The following PDE1C variants were observed in gnomAD, a reference collection of about 807,000 sequenced individuals.
The protein encoded by PDE1C is phosphodiesterase 1C.
In PDE1C, 62 loss-of-function variants were observed where a neutral mutation model predicts 93.1. The observed-to-expected ratio is 0.67, with a 90% CI of 0.54 to 0.82. The LOEUF (loss-of-function observed/expected upper bound fraction) is 0.82. Among genes scored for constraint, PDE1C ranks in the 40% least tolerant of loss-of-function variants. PDE1C has a pLI of 0.00. For missense variants in PDE1C, 742 were observed against 884.6 expected (o/e 0.84, Z 2.04); for synonymous variants, 325 against 310.1 (o/e 1.05, Z -0.50).
chr7:32,086,928 C>G (rs1241626813), intron 3 of PDE1C, among the ~76,000 whole-genome samples: 1 of 151,100 alleles, frequency 6.6e-6, no homozygotes, highest in Non-Finnish European at 1.5e-5. Context: ...CATTACCATT[C>G]AGGACATAGG....
At chr7:32,191,553 G>A (rs1323503529) in intron 2 of PDE1C, among the ~76,000 whole-genome samples, 1 of 150,322 alleles carries the variant, frequency 6.7e-6, no homozygotes, top group Non-Finnish European at 1.5e-5. Flanking sequence ...GTTGTTGCAT[G>A]GATCAGTAGC....
intron 3 of PDE1C, among the ~76,000 whole-genome samples, chr7:32,168,698 C>G (rs1802457568): frequency 6.6e-6 from 1 of 152,124 alleles, no homozygotes; most frequent in African/African-American, 2.4e-5. Flanking sequence ...CAGCATTTAC[C>G]TGCAATTCTT....
intron 1 of PDE1C, among the ~76,000 whole-genome samples, chr7:32,223,070 C>A (rs1396183088): frequency 2.0e-5 from 3 of 152,232 alleles, no homozygotes; most frequent in Non-Finnish European, 4.4e-5. Context: ...CTTAGAGGTT[C>A]CCTCAGACTG....
intron 1 of PDE1C, among the ~76,000 whole-genome samples, chr7:32,418,556 G>T (rs143830614): frequency 1.3e-5 from 2 of 151,894 alleles, no homozygotes; most frequent in Non-Finnish European, 2.9e-5. Flanking sequence ...GCATCCTTGC[G>T]TGACAATAAT....
chr7:32,277,193 G>C (rs1223084825), intron 1 of PDE1C, among the ~76,000 whole-genome samples: 2 of 152,166 alleles, frequency 1.3e-5, no homozygotes, highest in Non-Finnish European at 2.9e-5. Context: ...TGATGGGCTT[G>C]AGCCATGATC....
At chr7:32,073,794 TCTACTAGCATTCTG>T (rs1439647434), upstream of PDE1C, among the ~76,000 whole-genome samples, 6 of 152,192 alleles carry the variant, frequency 3.9e-5, no homozygotes, top group Non-Finnish European at 1.5e-5. Context: ...AGCCACAATT[TCTACTAGCATTCTG>T]CTCAGAGGCA....
At chr7:32,189,414 C>A (rs1246793077) in intron 2 of PDE1C, among the ~76,000 whole-genome samples, 4 of 152,196 alleles carry the variant, frequency 2.6e-5, no homozygotes, top group African/African-American at 9.6e-5. Context: ...AATTCAGACA[C>A]TGCCTCCCCC....
intron 1 of PDE1C, among the ~76,000 whole-genome samples, chr7:32,279,408 G>C (rs922424600): frequency 6.6e-6 from 1 of 152,106 alleles, no homozygotes; most frequent in African/African-American, 2.4e-5. Flanking sequence ...TTGCACAGTA[G>C]GGTGATTGTG....
intron 1 of PDE1C, among the ~76,000 whole-genome samples, chr7:32,417,093 T>C (rs977746301): frequency 6.6e-6 from 1 of 152,090 alleles, no homozygotes; most frequent in African/African-American, 2.4e-5. Context: ...ATCTAGCCTG[T>C]GTGCTCAAAA....
chr7:31,725,515 T>C, the PDE1C span, among the ~76,000 whole-genome samples: 1 of 152,208 alleles, frequency 6.6e-6, no homozygotes, highest in African/African-American at 2.4e-5. Flanking sequence ...ATGGTGATGT[T>C]TGTCTACCAA....
intron 2 of PDE1C, among the ~76,000 whole-genome samples, chr7:32,200,207 GTTTT>G (rs1053673628): frequency 1.3e-5 from 2 of 152,050 alleles, no homozygotes; most frequent in Non-Finnish European, 2.9e-5. Flanking sequence ...CCTCTTATAG[GTTTT>G]TTGTTTTATT....
At chr7:32,271,314 C>G (rs1810946577) in intron 1 of PDE1C, among the ~76,000 whole-genome samples, 1 of 152,170 alleles carries the variant, frequency 6.6e-6, no homozygotes, top group African/African-American at 2.4e-5. Context: ...TTTTTAACTT[C>G]AGCACATATT....
chr7:32,205,518 G>A (rs1805372558), intron 2 of PDE1C, among the ~76,000 whole-genome samples: 1 of 152,118 alleles, frequency 6.6e-6, no homozygotes, highest in Non-Finnish European at 1.5e-5. Flanking sequence ...TCAGCACTCT[G>A]TAAAACGGAC....
intron 3 of PDE1C, among the ~76,000 whole-genome samples, chr7:32,080,769 C>G (rs1158281674): frequency 1.3e-5 from 2 of 152,148 alleles, no homozygotes; most frequent in Admixed American, 6.5e-5. Flanking sequence ...GATTTTAATA[C>G]TCAGGAGAAT....
chr7:31,791,058 C>A (rs1784545619), intron 16 of PDE1C, among the ~76,000 whole-genome samples: 1 of 152,008 alleles, frequency 6.6e-6, no homozygotes, highest in Non-Finnish European at 1.5e-5. Flanking sequence ...AAGGGTAACA[C>A]TATTATCTAC....
chr7:31,689,198 T>G, the PDE1C span, among the ~76,000 whole-genome samples: 2 of 152,176 alleles, frequency 1.3e-5, no homozygotes, highest in Non-Finnish European at 2.9e-5. Context: ...GTGTGAGTGT[T>G]AGAATTCAGA....
intron 16 of PDE1C, chr7:31,789,824 CA>C: frequency 1.0e-6 from 1 of 1,000,312 alleles, no homozygotes; most frequent in Non-Finnish European, 1.2e-6. Context: ...ACGGCATTGA[CA>C]GTCATAAAAT....
intron 5 of PDE1C, among the ~76,000 whole-genome samples, chr7:31,873,756 A>T (rs890330022): frequency 6.6e-6 from 1 of 152,214 alleles, no homozygotes; most frequent in African/African-American, 2.4e-5. Flanking sequence ...AAATTACCTA[A>T]TTTCCCTAAC....
intron 2 of PDE1C, among the ~76,000 whole-genome samples, chr7:31,962,938 T>C (rs1309272220): frequency 6.6e-6 from 1 of 152,200 alleles, no homozygotes; most frequent in African/African-American, 2.4e-5. Flanking sequence ...CACGTCTACC[T>C]AGCCTGTGAC....
Sources: gnomAD v4.1 joint callset for allele counts (sites outside exome capture counted in the v4.1 genomes callset) on GRCh38, gnomAD v4.1.1 for gene constraint, MANE v1.5 for transcripts, NCBI Gene and HGNC (gene_info 2026-07-23, HGNC 2026-07-21) for gene names.